The following HDAC9 variants were observed in gnomAD, a reference collection of about 807,000 sequenced individuals.
HDAC9 encodes MEF-2 interacting transcription repressor (MITR) protein.
HDAC9 carries 41 observed loss-of-function variants against 139.4 expected under a neutral mutation model. The observed-to-expected ratio is 0.29, with a 90% CI of 0.23 to 0.38. HDAC9 has a LOEUF of 0.38. Ranked by LOEUF, HDAC9 falls within the 10% of genes least tolerant of loss-of-function variation. The pLI, the probability that HDAC9 is intolerant of heterozygous loss-of-function variation, is 1.00. For missense variants in HDAC9, 1,147 were observed against 1,297.0 expected, an observed-to-expected ratio of 0.88 and a Z score of 1.78; for synonymous variants, 517 against 476.2, an observed-to-expected ratio of 1.09 and a Z score of -1.12.
At chr7:18,330,598 G>A (rs1411425458) in intron 1 of HDAC9, among the ~76,000 whole-genome samples, 5 of 150,382 alleles carry the variant, frequency 3.3e-5, no homozygotes, top group Non-Finnish European at 1.5e-5. Context: ...ACCTCAGGAG[G>A]GAAAAAAAAA....
At chr7:18,249,271 G>A (rs181060695) in intron 2 of HDAC9, among the ~76,000 whole-genome samples, 43 of 152,168 alleles carry the variant, frequency 2.8e-4, no homozygotes, top group Middle Eastern at 3.4e-3. Context: ...GGGAGGCTGA[G>A]GTGGGCAGAT....
At chr7:18,167,081 C>T (rs949623413) in intron 2 of HDAC9, among the ~76,000 whole-genome samples, 1 of 152,096 alleles carries the variant, frequency 6.6e-6, no homozygotes, top group African/African-American at 2.4e-5. Context: ...GAAAATTATT[C>T]CAGGATAATA....
At chr7:18,831,802 A>G (rs1795874790) in intron 19 of HDAC9, among the ~76,000 whole-genome samples, 1 of 152,188 alleles carries the variant, frequency 6.6e-6, no homozygotes, top group Non-Finnish European at 1.5e-5. Flanking sequence ...TAGCCAAAAA[A>G]AAAACAACAA....
chr7:18,991,662 A>G (rs1785982146), intron 25 of HDAC9, among the ~76,000 whole-genome samples: 1 of 151,990 alleles, frequency 6.6e-6, no homozygotes, highest in African/African-American at 2.4e-5. Flanking sequence ...AAAAGAAGTC[A>G]TCAGTGAGAT....
chr7:18,383,384 C>G lies in HDAC9; in HGVS notation c.-42+92869C>G, dbSNP rs145026356. Reference sequence around the variant, plus strand: ...ACGTGATCTCAGAACTAGATGAACACTATTAGGCTATCAAAGTTGGCACGT... The same window carrying G: ...ACGTGATCTCAGAACTAGATGAACAGTATTAGGCTATCAAAGTTGGCACGT... On this transcript the variant is annotated intron_variant, in intron 1 of 3. Coordinates refer to the HDAC9 transcript ENST00000413509. 1.3e-4 allele frequency among the ~76,000 whole-genome samples: 20 copies of G among 152,242 alleles called. No individual in the cohort carries two copies. In the East Asian group the frequency reaches 3.9e-3, roughly 29 times the overall value.
At chr7:18,544,204 G>T (rs1013843895) in intron 2 of HDAC9, among the ~76,000 whole-genome samples, 5 of 152,154 alleles carry the variant, frequency 3.3e-5, no homozygotes, top group African/African-American at 1.2e-4. Flanking sequence ...CTGGAGGTGG[G>T]GAGAAGTTAT....
At chr7:18,992,961 G>A (rs1378788700) in intron 25 of HDAC9, among the ~76,000 whole-genome samples, 1 of 152,150 alleles carries the variant, frequency 6.6e-6, no homozygotes, top group Non-Finnish European at 1.5e-5. Context: ...CCCAGCTTGT[G>A]TCTTTGTTAA....
rs553616745 is a variant in HDAC9, at chr7:18,211,491, A to G, written c.25+49142A>G. Among the ~76,000 whole-genome samples, 86 of 152,248 alleles carry G rather than the reference A, an allele frequency of 5.6e-4. 1 individual carries two copies. Among genetic ancestry groups the G allele is most frequent in the Admixed American group, 3.3e-3 (50 of 15,284 alleles). On this transcript the variant is annotated intron_variant, in intron 2 of 12. Coordinates refer to the HDAC9 transcript ENST00000417496. ...TTCTGTAGAAGTCTATATACTCATG[A>G]CTTCCTTCTAAAATGATTATTGTAC... is the stretch of plus-strand genomic sequence containing the variant.
At chr7:18,524,382 T>C (rs529690105) in intron 2 of HDAC9, among the ~76,000 whole-genome samples, 68 of 152,264 alleles carry the variant, frequency 4.5e-4, no homozygotes, top group African/African-American at 1.5e-3. Flanking sequence ...TTTTCTCATT[T>C]AGGGGAGTGA....
intron 2 of HDAC9, among the ~76,000 whole-genome samples, chr7:18,281,019 CCT>C (rs913705943): frequency 9.2e-5 from 14 of 152,146 alleles, no homozygotes; most frequent in African/African-American, 3.4e-4. Context: ...CCATTCCAGG[CCT>C]CTGTTTTATT....
At chr7:18,828,726 G>T (rs1338143021) in intron 17 of HDAC9, among the ~76,000 whole-genome samples, 1 of 152,184 alleles carries the variant, frequency 6.6e-6, no homozygotes, top group Non-Finnish European at 1.5e-5. Context: ...CCATCAAGGA[G>T]ATCCAGTTAA....
intron 2 of HDAC9, among the ~76,000 whole-genome samples, chr7:18,164,708 G>A (rs148000311): frequency 1.2e-4 from 18 of 152,270 alleles, no homozygotes; most frequent in East Asian, 9.6e-4. Flanking sequence ...AAATGCCGCC[G>A]TCTTAATCAT....
At chr7:18,690,788 T>C (rs1337853157) in intron 12 of HDAC9, among the ~76,000 whole-genome samples, 1 of 152,050 alleles carries the variant, frequency 6.6e-6, no homozygotes, top group Admixed American at 6.6e-5. Flanking sequence ...GGCATGCAAC[T>C]AGCACATTTT....
chr7:18,493,267 CT>C (rs1188829921), upstream of HDAC9, among the ~76,000 whole-genome samples: 1 of 151,832 alleles, frequency 6.6e-6, no homozygotes, highest in Non-Finnish European at 1.5e-5. Context: ...TTTGTTATCT[CT>C]TTTGTATATT....
chr7:18,704,878 T>A (rs2129107072), intron 12 of HDAC9, among the ~76,000 whole-genome samples: 1 of 152,304 alleles, frequency 6.6e-6, no homozygotes, highest in African/African-American at 2.4e-5. Flanking sequence ...TTGCCATTAG[T>A]TAAAAATGGT....
At chr7:18,887,704 A>G (rs1308160794) in intron 22 of HDAC9, among the ~76,000 whole-genome samples, 1 of 152,196 alleles carries the variant, frequency 6.6e-6, no homozygotes, top group Admixed American at 6.5e-5. Flanking sequence ...AATTAATACT[A>G]AGCTATTTAG....
chr7:18,940,089 G>T (rs1413247518), intron 23 of HDAC9, among the ~76,000 whole-genome samples: 1 of 152,016 alleles, frequency 6.6e-6, no homozygotes, highest in African/African-American at 2.4e-5. Context: ...GCTTCTTAGG[G>T]CTTATGATCA....
chr7:18,610,872 T>A (rs1447326814), intron 6 of HDAC9, among the ~76,000 whole-genome samples: 2 of 152,214 alleles, frequency 1.3e-5, no homozygotes, highest in Non-Finnish European at 2.9e-5. Context: ...CATGTACACA[T>A]TGCACCTCCA....
chr7:18,958,250 T>A (rs1733128439), intron 24 of HDAC9, among the ~76,000 whole-genome samples: 1 of 152,144 alleles, frequency 6.6e-6, no homozygotes, highest in South Asian at 2.1e-4. Flanking sequence ...ACATGATAGA[T>A]GGCATGCAAG....
Sources: allele counts gnomAD v4.1 joint callset (sites outside exome capture counted in the v4.1 genomes callset), GRCh38; gene constraint gnomAD v4.1.1; transcripts MANE v1.5; gene names NCBI Gene and HGNC (gene_info 2026-07-23, HGNC 2026-07-21).